MYO16: variants seen among roughly 807,000 people sequenced by gnomAD.
The protein encoded by MYO16 is myosin XVI, also known as unconventional myosin-XVI.
Under a neutral mutation model 205.3 loss-of-function variants are expected in MYO16, and 94 were observed. That is an observed-to-expected ratio of 0.46 (90% confidence interval 0.39 to 0.54). The LOEUF (loss-of-function observed/expected upper bound fraction) is 0.54. MYO16 is among the 20% of genes least tolerant of loss of function. The pLI is 0.00. For synonymous variants in MYO16, 988 were observed against 954.0 expected, an observed-to-expected ratio of 1.04 and a Z score of -0.66; for missense variants, 2,315 against 2,387.5, an observed-to-expected ratio of 0.97 and a Z score of 0.63.
At chr13:108,866,147 C>T (rs1177203982) in intron 11 of MYO16, 30 bp from the exon 12 acceptor site, 1 of 1,510,368 alleles carries the variant, frequency 6.6e-7, no homozygotes, top group Admixed American at 1.8e-5. Flanking sequence ...TTATATGACT[C>T]ATGAACTGTT....
At chr13:108,838,652 A>G (rs1877059688) in intron 9 of MYO16, among the ~76,000 whole-genome samples, 2 of 126,782 alleles carry the variant, frequency 1.6e-5, no homozygotes, top group African/African-American at 2.9e-5. Context: ...TGGGTGACAG[A>G]GTGAGACTGT....
the MYO16 span, among the ~76,000 whole-genome samples, chr13:108,519,649 C>CACACACACACACACACACA: frequency 1.0e-3 from 122 of 118,584 alleles, 2 homozygotes; most frequent in African/African-American, 3.1e-3. Context: ...ACACACACAC[C>CACACACACACACACACACA]CACACACACA....
chr13:108,673,715 C>T (rs531055872), intron 2 of MYO16, among the ~76,000 whole-genome samples: 1 of 152,238 alleles, frequency 6.6e-6, no homozygotes, highest in South Asian at 2.1e-4. Context: ...CCCACTGCAT[C>T]GACCTCACCC....
chr13:109,043,439 G>A (rs1025377788), intron 23 of MYO16, among the ~76,000 whole-genome samples: 4 of 144,082 alleles, frequency 2.8e-5, no homozygotes, highest in Admixed American at 6.7e-5. Flanking sequence ...TGAAATCATC[G>A]GATTTCCATG....
At chr13:108,591,567 T>C (rs979488940), upstream of MYO16, among the ~76,000 whole-genome samples, 3 of 152,194 alleles carry the variant, frequency 2.0e-5, no homozygotes, top group Non-Finnish European at 2.9e-5. Context: ...CTTTTCATAA[T>C]GATTGGAAGG....
At chr13:108,500,890 C>A in the MYO16 span, among the ~76,000 whole-genome samples, 1 of 152,190 alleles carries the variant, frequency 6.6e-6, no homozygotes, top group Non-Finnish European at 1.5e-5. Flanking sequence ...TTGACCCGCT[C>A]CCTGCCCAGC....
chr13:109,047,683 T>A (rs1887091713), intron 24 of MYO16, among the ~76,000 whole-genome samples: 1 of 152,160 alleles, frequency 6.6e-6, no homozygotes, highest in African/African-American at 2.4e-5. Context: ...TAATAACCTT[T>A]ATAGTGAATT....
chr13:109,042,723 AG>A (rs1420486657), intron 23 of MYO16, among the ~76,000 whole-genome samples: 1 of 152,200 alleles, frequency 6.6e-6, no homozygotes, highest in East Asian at 1.9e-4. Context: ...TTAAAGTTGG[AG>A]GGCCCTTAGG....
chr13:109,077,552 C>T lies in MYO16; in HGVS notation c.3335+21957C>T, dbSNP rs149366782. Among the ~76,000 whole-genome samples, 921 of 152,284 alleles carry T rather than the reference C, an allele frequency of 6.0e-3. 12 individuals carry two copies. Among genetic ancestry groups the T allele is most frequent in the African/African-American group, 0.021 (872 of 41,552 alleles). Reference sequence around the variant, plus strand: ...CTCCTGGTGCTGTACACTCTCACGTCATTTGTGGAAGGCATTTTTATGAGA... The same window carrying T: ...CTCCTGGTGCTGTACACTCTCACGTTATTTGTGGAAGGCATTTTTATGAGA... On this transcript the variant is annotated intron_variant, in intron 27 of 34. Coordinates refer to ENST00000457511, the MANE Select transcript of MYO16 (RefSeq NM_001198950.3).
the MYO16 span, among the ~76,000 whole-genome samples, chr13:108,518,349 A>G: frequency 3.1e-3 from 477 of 152,306 alleles, 2 homozygotes; most frequent in African/African-American, 0.01. Context: ...GGAAAATGAG[A>G]TCTTACAACA....
At chr13:109,027,050 C>T (rs537474738) in intron 23 of MYO16, among the ~76,000 whole-genome samples, 2 of 152,264 alleles carry the variant, frequency 1.3e-5, no homozygotes, top group East Asian at 3.9e-4. Flanking sequence ...TATTTTTTCA[C>T]AGTGCTGGAG....
intron 20 of MYO16, among the ~76,000 whole-genome samples, chr13:108,980,914 A>G (rs1884428212): frequency 6.6e-6 from 1 of 152,220 alleles, no homozygotes. Context: ...CAGATAAAGA[A>G]AATGGAACTC....
chr13:108,520,827 G>C, the MYO16 span, among the ~76,000 whole-genome samples: 1 of 152,170 alleles, frequency 6.6e-6, no homozygotes, highest in Non-Finnish European at 1.5e-5. Flanking sequence ...CTCTTCCAAT[G>C]ATAACTCGCA....
chr13:108,669,198 A>C (rs1159731534), intron 2 of MYO16, among the ~76,000 whole-genome samples: 37 of 152,160 alleles, frequency 2.4e-4, no homozygotes, highest in Admixed American at 2.4e-3. Flanking sequence ...AGGAATGACC[A>C]GGAAGAAAGG....
In MYO16 at chr13:108,982,380, A is replaced by T. The variant is rs181189590; in HGVS notation, c.2370-9996A>T. Among the ~76,000 whole-genome samples the T allele has an allele frequency of 1.3e-3, 191 of 152,324 alleles. 1 individual carries two copies. Among genetic ancestry groups the T allele is most frequent in the Admixed American group, 5.8e-3 (88 of 15,288 alleles). On this transcript the variant is annotated intron_variant, in intron 20 of 34. Coordinates refer to ENST00000457511, the MANE Select transcript of MYO16 (RefSeq NM_001198950.3). The stretch of plus-strand genomic sequence containing the variant: ...ATACACTTTATTTTTACTTTAACAT[A>T]CAACTTATTTTTTAAAAAACCCAAA...
chr13:109,203,523 C>T (rs573143839), intron 34 of MYO16, among the ~76,000 whole-genome samples: 112 of 151,892 alleles, frequency 7.4e-4, no homozygotes, highest in Non-Finnish European at 1.3e-3. Flanking sequence ...ACTGTAGTTC[C>T]TCGCTGGGCT....
Position 108,629,648 on chromosome 13 carries a change from T to G in MYO16, c.-197T>G, listed in dbSNP as rs986524443. On this transcript the variant is annotated 5_prime_UTR_variant, in exon 1 of 35. Transcript: ENST00000457511. ...TCAAGACCCACCGGGGAGAGGCTTATCTTAACTCCAGCTGCCGAATGAGAA... is the reference window on the plus strand; with the variant it reads ...TCAAGACCCACCGGGGAGAGGCTTAGCTTAACTCCAGCTGCCGAATGAGAA... The G allele has an allele frequency of 7.5e-6, 4 of 532,770 alleles. No homozygotes were observed. The allele number at this position is 532,770 out of a possible 1,614,324, so 33.0% of individuals were successfully genotyped here.
chr13:109,056,326 G>A (rs968221257), intron 27 of MYO16, among the ~76,000 whole-genome samples: 1 of 152,078 alleles, frequency 6.6e-6, no homozygotes, highest in African/African-American at 2.4e-5. Flanking sequence ...CCATTTGCAA[G>A]AAGCACCTAA....
At chr13:108,592,378 G>T (rs1489151944), upstream of MYO16, among the ~76,000 whole-genome samples, 1 of 135,314 alleles carries the variant, frequency 7.4e-6, no homozygotes, top group Non-Finnish European at 1.6e-5. Flanking sequence ...GGTGTAGGCG[G>T]CTGTGTGTGG....
Sources: gnomAD v4.1 joint callset for allele counts (sites outside exome capture counted in the v4.1 genomes callset) on GRCh38, gnomAD v4.1.1 for gene constraint, MANE v1.5 for transcripts, NCBI Gene and HGNC (gene_info 2026-07-23, HGNC 2026-07-21) for gene names.